PTPRE: variants seen among roughly 807,000 people sequenced by gnomAD.
PTPRE encodes protein tyrosine phosphatase receptor type E, also known as receptor-type tyrosine-protein phosphatase epsilon.
In PTPRE, 51 loss-of-function variants were observed where a neutral mutation model predicts 102.0. The observed-to-expected ratio is 0.50, with a 90% CI of 0.40 to 0.63. The LOEUF (loss-of-function observed/expected upper bound fraction) is 0.63, where lower values mean the gene tolerates loss of function less well. Ranked by LOEUF, PTPRE falls within the 30% of genes least tolerant of loss-of-function variation. The pLI is 0.00. For missense variants in PTPRE, 752 were observed against 915.1 expected (o/e 0.82, Z 2.30); for synonymous variants, 345 against 348.2 (o/e 0.99, Z 0.10).
intron 2 of PTPRE, among the ~76,000 whole-genome samples, chr10:128,015,757 G>T (rs1443670095): frequency 6.6e-6 from 1 of 152,180 alleles, no homozygotes; most frequent in Non-Finnish European, 1.5e-5. Context: ...GTTACAGTGA[G>T]CTATGATCTT....
intron 1 of PTPRE, among the ~76,000 whole-genome samples, chr10:127,959,343 T>C (rs529901207): frequency 4.7e-4 from 71 of 152,368 alleles, no homozygotes; most frequent in African/African-American, 1.7e-3. Flanking sequence ...CATTCATTCA[T>C]TTGGTAATTC....
chr10:127,912,148 A>G (rs1845910496), intron 1 of PTPRE, among the ~76,000 whole-genome samples: 1 of 152,140 alleles, frequency 6.6e-6, no homozygotes, highest in Non-Finnish European at 1.5e-5. Flanking sequence ...CAGGTGTTCC[A>G]TGTGGGGAGT....
intron 1 of PTPRE, chr10:127,933,930 A>C (rs943371084): frequency 2.6e-5 from 4 of 152,180 alleles, no homozygotes; most frequent in Non-Finnish European, 5.9e-5. Context: ...TAATGAAGTC[A>C]TATCAAAGAA....
rs766541082 is a variant in PTPRE, at chr10:128,070,300, G to C, written c.1144-1G>C. 1 of 1,606,838 alleles carries C rather than the reference G, an allele frequency of 6.2e-7. No homozygotes were observed. The highest frequency in any genetic ancestry group is 1.1e-5 in the South Asian group (1 of 89,418). On this transcript the variant is annotated splice_acceptor_variant, in intron 13 of 20. Coordinates refer to ENST00000254667, the MANE Select transcript of PTPRE (RefSeq NM_006504.6). LOFTEE classifies it high-confidence loss of function. The surrounding 1 kb of genome is among the most constrained non-coding windows in gnomAD (Gnocchi z 4.8). ...TGTGGGCACCCCTGGCCTCTCTGCA[G>C]ATGCAGTACACGTTCATCTACCAAG...
chr10:128,004,295 A>G (rs936660756), intron 2 of PTPRE, among the ~76,000 whole-genome samples: 1 of 151,768 alleles, frequency 6.6e-6, no homozygotes, highest in African/African-American at 2.4e-5. Flanking sequence ...GGTAAAATTC[A>G]CATAACATAA....
At chr10:128,005,130 C>G (rs1283432183) in intron 2 of PTPRE, among the ~76,000 whole-genome samples, 1 of 152,194 alleles carries the variant, frequency 6.6e-6, no homozygotes, top group Admixed American at 6.5e-5. Context: ...TGCATTCTGG[C>G]TACTACGTCC....
At chr10:127,927,505 A>C (rs1847118075) in intron 1 of PTPRE, among the ~76,000 whole-genome samples, 1 of 152,180 alleles carries the variant, frequency 6.6e-6, no homozygotes, top group Admixed American at 6.5e-5. Context: ...TCAGAGATGG[A>C]AACTAAGTTG....
intron 1 of PTPRE, among the ~76,000 whole-genome samples, chr10:127,909,544 G>A (rs1030670789): frequency 6.6e-6 from 1 of 152,164 alleles, no homozygotes; most frequent in Non-Finnish European, 1.5e-5. Context: ...GATATCAAAT[G>A]CCCCTTGACT....
chr10:127,981,255 T>C lies in PTPRE; in HGVS notation c.-30-1019T>C, dbSNP rs1195371927. ...GTCCATTTATATGAAATACTCAGAATAGGCCAATCCATAAAGACAGAAAGT... is the reference window on the plus strand; with the variant it reads ...GTCCATTTATATGAAATACTCAGAACAGGCCAATCCATAAAGACAGAAAGT... On this transcript the variant is annotated intron_variant, in intron 1 of 20. Coordinates refer to ENST00000254667, the MANE Select transcript of PTPRE (RefSeq NM_006504.6). Among the ~76,000 whole-genome samples, 3 of 152,298 alleles carry C rather than the reference T, an allele frequency of 2.0e-5. No individual in the cohort carries two copies. In the East Asian group the frequency reaches 5.8e-4, roughly 29 times the overall value.
At chr10:127,986,030 G>A (rs756074896) in intron 2 of PTPRE, among the ~76,000 whole-genome samples, 51 of 152,258 alleles carry the variant, frequency 3.3e-4, no homozygotes, top group Non-Finnish European at 6.2e-4. Context: ...GGCGGAGGTT[G>A]CAGCGAGCCA....
At chr10:128,017,904 C>T (rs1026367247) in intron 2 of PTPRE, among the ~76,000 whole-genome samples, 4 of 152,190 alleles carry the variant, frequency 2.6e-5, no homozygotes, top group Admixed American at 6.5e-5. Flanking sequence ...ACGACCTTCT[C>T]GGAGCTCCAC....
At position 128,066,027 on chromosome 10, in the gene PTPRE, G is replaced by T. The variant is rs751786906; in HGVS notation, c.724-48G>T. ...TAGTTGGGTGGGGGGATGTCATGAT[G>T]CATTGCACCCACAGATCTATTTGCT... On this transcript the variant is annotated intron_variant, in intron 10 of 20. Coordinates refer to ENST00000254667, the MANE Select transcript of PTPRE (RefSeq NM_006504.6). 4.6e-5 allele frequency: 75 copies of T among 1,613,862 alleles called. No individual in the cohort carries two copies. In the East Asian group the frequency reaches 1.6e-3, roughly 35 times the overall value.
intron 1 of PTPRE, among the ~76,000 whole-genome samples, chr10:127,911,150 G>A (rs1000509474): frequency 6.6e-6 from 1 of 152,208 alleles, no homozygotes; most frequent in East Asian, 1.9e-4. Flanking sequence ...CAAATAGATA[G>A]ATACCTTTTG....
At chr10:128,066,287 T>G (rs1409660281) in intron 11 of PTPRE, 93 bp downstream of exon 11, 16 of 1,551,732 alleles carry the variant, frequency 1.0e-5, no homozygotes, top group African/African-American at 1.4e-5. Context: ...TGAAGTGCTT[T>G]GCTCCCAGCC....
At chr10:128,040,228 A>G (rs964816833) in intron 2 of PTPRE, among the ~76,000 whole-genome samples, 2 of 152,142 alleles carry the variant, frequency 1.3e-5, no homozygotes, top group African/African-American at 4.8e-5. Context: ...CAGGCAGAGC[A>G]TGCTGGAGCC....
At chr10:127,987,286 G>C in intron 2 of PTPRE, 2 of 1,231,220 alleles carry the variant, frequency 1.6e-6, no homozygotes, top group Non-Finnish European at 2.1e-6. Context: ...GTTCACAGCA[G>C]ACCCAGTTCA....
chr10:128,065,982 G>GGT, intron 10 of PTPRE, 93 bp from the exon 11 acceptor site: 1 of 1,564,362 alleles, frequency 6.4e-7, no homozygotes, highest in Non-Finnish European at 8.8e-7. Context: ...GACTCCAGCT[G>GGT]GTGTGTGTGA....
intron 1 of PTPRE, among the ~76,000 whole-genome samples, chr10:127,910,001 A>G (rs1356314033): frequency 6.6e-6 from 1 of 152,206 alleles, no homozygotes; most frequent in African/African-American, 2.4e-5. Flanking sequence ...GCTTGGGAGC[A>G]GGGAGGGAAC....
At chr10:128,056,286 G>T in intron 7 of PTPRE, 73 bp downstream of exon 7, 3 of 1,276,284 alleles carry the variant, frequency 2.4e-6, no homozygotes, top group Non-Finnish European at 3.4e-6. Flanking sequence ...GCAGCTCCCC[G>T]TGACTGCAGG....
Sources: gnomAD v4.1 joint callset for allele counts (sites outside exome capture counted in the v4.1 genomes callset) on GRCh38, gnomAD v4.1.1 for gene constraint, Gnocchi (gnomAD v3.1) non-coding constraint, MANE v1.5 for transcripts, NCBI Gene and HGNC (gene_info 2026-07-23, HGNC 2026-07-21) for gene names.